Variants in ZDHHC14 observed in about 807,000 individuals in gnomAD.
The protein encoded by ZDHHC14 is zDHHC palmitoyltransferase 14.
ZDHHC14 carries 16 observed loss-of-function variants against 47.7 expected under a neutral mutation model. The ratio of observed to expected loss-of-function variants is 0.34; its 90% CI spans 0.23 to 0.51. The LOEUF is 0.51. ZDHHC14 is among the 20% of genes least tolerant of loss of function. The pLI is 0.97. For missense variants in ZDHHC14, 515 were observed against 662.5 expected (o/e 0.78, Z 2.44); for synonymous variants, 293 against 278.9 (o/e 1.05, Z -0.50).
chr6:157,595,094 A>G (rs1415262830), intron 3 of ZDHHC14, among the ~76,000 whole-genome samples: 1 of 147,186 alleles, frequency 6.8e-6, no homozygotes, highest in East Asian at 2.0e-4. Context: ...TCTCTTTATC[A>G]TTTATAAAAC....
At chr6:157,522,018 T>C (rs1780932092) in intron 1 of ZDHHC14, among the ~76,000 whole-genome samples, 2 of 103,508 alleles carry the variant, frequency 1.9e-5, no homozygotes, top group Non-Finnish European at 4.0e-5. Context: ...TATAACAAGT[T>C]GCATTTTTTT....
At chr6:157,645,143 C>T (rs1467306929) in intron 5 of ZDHHC14, among the ~76,000 whole-genome samples, 1 of 152,086 alleles carries the variant, frequency 6.6e-6, no homozygotes, top group African/African-American at 2.4e-5. Flanking sequence ...CCGAGAAATC[C>T]CACCGCCGGT....
chr6:157,647,419 G>T (rs1270773992), intron 7 of ZDHHC14, 51 bp downstream of exon 7: 5 of 1,484,510 alleles, frequency 3.4e-6, no homozygotes, highest in Non-Finnish European at 4.6e-6. Flanking sequence ...AAAACCGAAT[G>T]CCTCGGCCGT....
At chr6:157,385,497 G>A (rs1201825508) in intron 1 of ZDHHC14, among the ~76,000 whole-genome samples, 1 of 152,212 alleles carries the variant, frequency 6.6e-6, no homozygotes, top group African/African-American at 2.4e-5. Context: ...GAATAACTTA[G>A]TCATTTAGTT....
chr6:157,668,364 T>G lies in ZDHHC14; in HGVS notation c.1069-4360T>G, dbSNP rs896046142. Among the ~76,000 whole-genome samples the G allele has an allele frequency of 4.6e-5, 7 of 151,782 alleles. No homozygotes were observed. In the East Asian group the frequency reaches 7.7e-4, roughly 17 times the overall value. ...GAGTCATTTGGAAAACATTTCTGAGTGACTTCTATATAGATTTTTTAAATT... is the reference window on the plus strand; with the variant it reads ...GAGTCATTTGGAAAACATTTCTGAGGGACTTCTATATAGATTTTTTAAATT... On this transcript the variant is annotated intron_variant, in intron 8 of 8. Transcript: ENST00000359775.
At chr6:157,610,171 G>A (rs913235022) in intron 3 of ZDHHC14, among the ~76,000 whole-genome samples, 2 of 152,194 alleles carry the variant, frequency 1.3e-5, no homozygotes, top group African/African-American at 4.8e-5. Context: ...TGGGCTGGGC[G>A]CAGTGGCTCA....
intron 1 of ZDHHC14, among the ~76,000 whole-genome samples, chr6:157,404,940 A>C (rs1777712794): frequency 6.6e-6 from 1 of 152,294 alleles, no homozygotes; most frequent in African/African-American, 2.4e-5. Flanking sequence ...TTCAGGAAAA[A>C]GGATATGCAA....
chr6:157,654,830 G>A (rs1229937283), intron 8 of ZDHHC14, among the ~76,000 whole-genome samples: 8 of 151,832 alleles, frequency 5.3e-5, no homozygotes, highest in African/African-American at 1.9e-4. Context: ...CTGCCTCCCA[G>A]GTTCAAGCGA....
At chr6:157,643,134 C>T (rs1014440915) in intron 5 of ZDHHC14, among the ~76,000 whole-genome samples, 4 of 152,182 alleles carry the variant, frequency 2.6e-5, no homozygotes, top group Admixed American at 2.0e-4. Flanking sequence ...GAGGTTTAAG[C>T]AGAACAGGAC....
chr6:157,400,169 G>A (rs1026393740), intron 1 of ZDHHC14, among the ~76,000 whole-genome samples: 1 of 152,028 alleles, frequency 6.6e-6, no homozygotes, highest in African/African-American at 2.4e-5. Flanking sequence ...TCCACGCTTG[G>A]GCAGCTCAGT....
chr6:157,533,697 G>T (rs1273435660), intron 1 of ZDHHC14, among the ~76,000 whole-genome samples: 1 of 152,182 alleles, frequency 6.6e-6, no homozygotes, highest in Non-Finnish European at 1.5e-5. Flanking sequence ...GCTTGAGCTG[G>T]TGCATTGGGC....
At chr6:157,672,216 C>T (rs2115017390) in intron 8 of ZDHHC14, among the ~76,000 whole-genome samples, 1 of 152,338 alleles carries the variant, frequency 6.6e-6, no homozygotes, top group East Asian at 1.9e-4. Context: ...TGTGTCTACA[C>T]CGCACCTTGT....
chr6:157,482,944 A>G (rs929889596), intron 1 of ZDHHC14, among the ~76,000 whole-genome samples: 2 of 151,950 alleles, frequency 1.3e-5, no homozygotes, highest in African/African-American at 4.8e-5. Flanking sequence ...GGATTTCACC[A>G]TGTTGGCCAA....
intron 8 of ZDHHC14, among the ~76,000 whole-genome samples, chr6:157,659,198 A>G (rs1212290461): frequency 6.6e-6 from 1 of 152,258 alleles, no homozygotes; most frequent in Non-Finnish European, 1.5e-5. Context: ...CTGGAGGGGA[A>G]GAGAAGAAGC....
At chr6:157,627,985 T>C (rs371402311) in intron 3 of ZDHHC14, among the ~76,000 whole-genome samples, 41 of 152,138 alleles carry the variant, frequency 2.7e-4, no homozygotes, top group African/African-American at 9.6e-4. Flanking sequence ...CATCAGGCGG[T>C]GTTGGTTCCC....
chr6:157,400,672 G>T (rs1249690017), intron 1 of ZDHHC14, among the ~76,000 whole-genome samples: 1 of 152,170 alleles, frequency 6.6e-6, no homozygotes, highest in African/African-American at 2.4e-5. Context: ...ATGTCAGGAT[G>T]CCTCGTACTC....
chr6:157,481,229 C>T (rs186938276), intron 1 of ZDHHC14, among the ~76,000 whole-genome samples: 21 of 152,258 alleles, frequency 1.4e-4, no homozygotes, highest in African/African-American at 4.8e-4. Flanking sequence ...TCTAAATAAT[C>T]TCTGGAGATC....
chr6:157,553,454 A>C (rs983748895), intron 2 of ZDHHC14, among the ~76,000 whole-genome samples: 2 of 151,880 alleles, frequency 1.3e-5, no homozygotes, highest in Admixed American at 6.6e-5. Context: ...ATGTTCACAC[A>C]CTCTGTGAAA....
chr6:157,438,912 A>T (rs911509819), intron 1 of ZDHHC14, among the ~76,000 whole-genome samples: 1 of 152,174 alleles, frequency 6.6e-6, no homozygotes, highest in Non-Finnish European at 1.5e-5. Flanking sequence ...AATTCAGAGT[A>T]TTGTCTGGGC....
Sources: allele counts gnomAD v4.1 joint callset (sites outside exome capture counted in the v4.1 genomes callset), GRCh38; gene constraint gnomAD v4.1.1; transcripts MANE v1.5; gene names NCBI Gene and HGNC (gene_info 2026-07-23, HGNC 2026-07-21).